Variants in NEMP2 observed in about 807,000 individuals in gnomAD.
The protein encoded by NEMP2 is UPF0571 transmembrane protein.
Under a neutral mutation model 54.2 loss-of-function variants are expected in NEMP2, and 53 were observed. The observed-to-expected ratio is 0.98, with a 90% CI of 0.78 to 1.23. NEMP2 has a LOEUF of 1.23. Among genes scored for constraint, NEMP2 ranks in the 50% most tolerant of loss-of-function variants. The probability of loss-of-function intolerance (pLI) is 0.00; values close to 1 mark genes in which losing one functional copy is unlikely to be tolerated. For missense variants in NEMP2, 455 were observed against 511.3 expected (o/e 0.89, Z 1.06); for synonymous variants, 197 against 190.3 (o/e 1.04, Z -0.29).
chr2:190,427,937 G>C, the NEMP2 span, among the ~76,000 whole-genome samples: 1 of 152,138 alleles, frequency 6.6e-6, no homozygotes, highest in Non-Finnish European at 1.5e-5. Context: ...TCACCACGTT[G>C]ATCAGACTGG....
At chr2:190,626,057 G>C in the NEMP2 span, 1 of 153,930 alleles carries the variant, frequency 6.5e-6, no homozygotes, top group Non-Finnish European at 1.4e-5. The surrounding 1 kb of genome is among the most constrained non-coding windows in gnomAD (Gnocchi z 4.5). Context: ...GTCTGGTAGG[G>C]ACCAGCTTAC....
the NEMP2 span, among the ~76,000 whole-genome samples, chr2:190,564,072 C>T: frequency 1.3e-5 from 2 of 152,230 alleles, no homozygotes; most frequent in Non-Finnish European, 2.9e-5. The surrounding 1 kb of genome is among the most constrained non-coding windows in gnomAD (Gnocchi z 4.2). Context: ...GCTGCAGTTT[C>T]TTCCCATTCA....
downstream of NEMP2, chr2:190,501,597 A>G (rs1690027503): frequency 6.6e-6 from 1 of 152,390 alleles, no homozygotes; most frequent in South Asian, 2.1e-4. Flanking sequence ...AGTCGAAATG[A>G]GCAACTCACC....
the NEMP2 span, among the ~76,000 whole-genome samples, chr2:190,569,888 G>C: frequency 6.6e-6 from 1 of 152,168 alleles, no homozygotes; most frequent in Admixed American, 6.5e-5. Context: ...ATGAGTCCCA[G>C]ATTCCATTTT....
chr2:190,432,652 A>G, the NEMP2 span, among the ~76,000 whole-genome samples: 4 of 152,038 alleles, frequency 2.6e-5, no homozygotes, highest in Admixed American at 6.6e-5. Flanking sequence ...CCTGACCTCA[A>G]ATGATCCACC....
chr2:190,444,961 A>C, the NEMP2 span: 1 of 544,582 alleles, frequency 1.8e-6, no homozygotes, highest in Non-Finnish European at 2.3e-6. Flanking sequence ...CTGGGTAACA[A>C]ATTTAGAGCT....
At chr2:190,638,587 G>A in the NEMP2 span, among the ~76,000 whole-genome samples, 1 of 152,116 alleles carries the variant, frequency 6.6e-6, no homozygotes, top group Non-Finnish European at 1.5e-5. The surrounding 1 kb of genome is among the most constrained non-coding windows in gnomAD (Gnocchi z 5.7). Context: ...ACTGATGCCG[G>A]AAAAGATATT....
At chr2:190,438,297 C>G in the NEMP2 span, among the ~76,000 whole-genome samples, 1 of 152,074 alleles carries the variant, frequency 6.6e-6, no homozygotes, top group Non-Finnish European at 1.5e-5. This position sits in a 1 kb window ranked among gnomAD's most constrained non-coding sequence, Gnocchi z 5.2. Context: ...AGGTGGATCA[C>G]TTGAGGTCAG....
chr2:190,444,978 G>T, the NEMP2 span: 4 of 414,636 alleles, frequency 9.6e-6, no homozygotes, highest in Non-Finnish European at 1.3e-5. Context: ...AGCTAGTGTA[G>T]TCCAGGCCTC....
At chr2:190,500,352 T>C, downstream of NEMP2, 20 of 887,044 alleles carry the variant, frequency 2.3e-5, no homozygotes, top group Non-Finnish European at 3.2e-5. This position sits in a 1 kb window ranked among gnomAD's most constrained non-coding sequence, Gnocchi z 5.3. Context: ...TCTAAACTCA[T>C]TAACATGGAA....
chr2:190,599,097 T>C, the NEMP2 span, among the ~76,000 whole-genome samples: 1 of 152,332 alleles, frequency 6.6e-6, no homozygotes, highest in African/African-American at 2.4e-5. Flanking sequence ...GTGTTTCTTC[T>C]AAAATCATGC....
chr2:190,423,582 G>A, the NEMP2 span, among the ~76,000 whole-genome samples: 1 of 152,182 alleles, frequency 6.6e-6, no homozygotes, highest in African/African-American at 2.4e-5. This position sits in a 1 kb window ranked among gnomAD's most constrained non-coding sequence, Gnocchi z 4.3. Flanking sequence ...CTATTATGAA[G>A]AAAGCTGCTA....
the NEMP2 span, among the ~76,000 whole-genome samples, chr2:190,554,714 G>A: frequency 6.6e-6 from 1 of 152,210 alleles, no homozygotes; most frequent in East Asian, 1.9e-4. The surrounding 1 kb of genome is among the most constrained non-coding windows in gnomAD (Gnocchi z 5.7). Context: ...GGGGGAAGGG[G>A]CGGTTGTGGA....
chr2:190,504,044 T>C (rs929195109), downstream of NEMP2, among the ~76,000 whole-genome samples: 1 of 152,114 alleles, frequency 6.6e-6, no homozygotes, highest in Non-Finnish European at 1.5e-5. This position sits in a 1 kb window ranked among gnomAD's most constrained non-coding sequence, Gnocchi z 5.6. Flanking sequence ...AAAGTCCCAG[T>C]TTTTAGATGG....
the NEMP2 span, chr2:190,488,887 A>G: frequency 1.5e-6 from 2 of 1,376,956 alleles, no homozygotes; most frequent in Non-Finnish European, 2.0e-6. This position sits in a 1 kb window ranked among gnomAD's most constrained non-coding sequence, Gnocchi z 6.4. Context: ...CAATACCTCA[A>G]TAAACAATCC....
the NEMP2 span, among the ~76,000 whole-genome samples, chr2:190,567,671 A>G: frequency 6.6e-6 from 1 of 152,154 alleles, no homozygotes; most frequent in African/African-American, 2.4e-5. This position sits in a 1 kb window ranked among gnomAD's most constrained non-coding sequence, Gnocchi z 4.0. Flanking sequence ...ATTTATTGAG[A>G]TGGAGTCTCG....
the NEMP2 span, among the ~76,000 whole-genome samples, chr2:190,587,725 A>G: frequency 1.3e-5 from 2 of 152,190 alleles, no homozygotes; most frequent in African/African-American, 4.8e-5. This position sits in a 1 kb window ranked among gnomAD's most constrained non-coding sequence, Gnocchi z 5.4. Context: ...CTTTACTGCT[A>G]TTGCTAGTGA....
the NEMP2 span, among the ~76,000 whole-genome samples, chr2:190,584,934 AG>A: frequency 6.6e-6 from 1 of 150,380 alleles, no homozygotes; most frequent in South Asian, 2.1e-4. The surrounding 1 kb of genome is among the most constrained non-coding windows in gnomAD (Gnocchi z 4.2). Context: ...AAAGAAAGAA[AG>A]AAAGAAAGAA....
the NEMP2 span, among the ~76,000 whole-genome samples, chr2:190,487,149 TG>T: frequency 6.6e-6 from 1 of 152,006 alleles, no homozygotes; most frequent in East Asian, 1.9e-4. This position sits in a 1 kb window ranked among gnomAD's most constrained non-coding sequence, Gnocchi z 5.5. Flanking sequence ...AAGACCATCC[TG>T]GCCAACGTGG....
Sources: gnomAD v4.1 joint callset for allele counts (sites outside exome capture counted in the v4.1 genomes callset) on GRCh38, gnomAD v4.1.1 for gene constraint, Gnocchi (gnomAD v3.1) non-coding constraint, MANE v1.5 for transcripts, NCBI Gene and HGNC (gene_info 2026-07-23, HGNC 2026-07-21) for gene names.